Variants in RPS6KA6 observed in about 807,000 individuals in gnomAD.
The protein encoded by RPS6KA6 is ribosomal protein S6 kinase alpha-6.
A neutral mutation model predicts 65.4 loss-of-function variants in RPS6KA6; 27 were observed. The ratio of observed to expected loss-of-function variants is 0.41; its 90% confidence interval spans 0.30 to 0.57. RPS6KA6 has a LOEUF of 0.57. RPS6KA6 is among the 20% of genes least tolerant of loss of function. RPS6KA6 has a pLI of 0.24. For missense variants in RPS6KA6, 486 were observed against 555.6 expected (o/e 0.87, Z 1.26); for synonymous variants, 190 against 184.2 (o/e 1.03, Z -0.26).
intron 1 of RPS6KA6, among the ~76,000 whole-genome samples, chrX:84,185,683 T>C (rs1251412323): frequency 2.7e-5 from 3 of 111,857 alleles, no homozygotes; most frequent in Non-Finnish European, 5.6e-5. Context: ...ACATTAAAGT[T>C]AACAGATTCT....
At chrX:84,117,643 C>CTA (rs1426487931) in intron 9 of RPS6KA6, among the ~76,000 whole-genome samples, 189 bp from the exon 10 acceptor site, 2 of 110,615 alleles carry the variant, frequency 1.8e-5, no homozygotes, top group Admixed American at 9.7e-5. Flanking sequence ...CTCTCTCTCT[C>CTA]TATATATATA....
At chrX:84,117,216 A>C in intron 10 of RPS6KA6, 68 bp from the exon 11 acceptor site, 2 of 903,548 alleles carry the variant, frequency 2.2e-6, no homozygotes, top group African/African-American at 2.0e-5. Context: ...AAATCTCAAA[A>C]AGAACTTTTA....
chrX:84,173,426 T>C (rs1395239166), intron 1 of RPS6KA6, among the ~76,000 whole-genome samples: 4 of 111,870 alleles, frequency 3.6e-5, no homozygotes, highest in East Asian at 2.8e-4. Flanking sequence ...ATTCATACAA[T>C]GTTCCTAAAG....
chrX:84,129,952 C>A (rs1225109135), intron 8 of RPS6KA6, among the ~76,000 whole-genome samples: 6 of 109,990 alleles, frequency 5.5e-5, no homozygotes. Context: ...TGAGTATAGT[C>A]AAAAATAATT....
rs1259374077 is a variant in RPS6KA6 at position 84,147,077 on chromosome X, T to C, written c.341-19A>G. 1 of 906,305 alleles carries C rather than the reference T, an allele frequency of 1.1e-6. No homozygotes were observed. The highest frequency in any genetic ancestry group is 2.4e-5 in the Admixed American group (1 of 41,983). The allele number at this position is 906,305 out of a possible 1,213,427, so 74.7% of individuals were successfully genotyped here. A position where few individuals can be genotyped will look rare whatever the true frequency, so the allele number is the denominator to read the frequency against. On this transcript the variant is annotated intron_variant, in intron 4 of 21. Coordinates refer to ENST00000262752, the MANE Select transcript of RPS6KA6 (RefSeq NM_014496.5). ...TCTCGAACTAAAAATTACATAAAGG[T>C]ACAATATATTGCTCTCTTACATCAT...
rs780472211 is a variant in RPS6KA6 at position 84,140,281 on chromosome X, G to A, written c.502-5071C>T. On this transcript the variant is annotated intron_variant, in intron 6 of 21. Transcript: ENST00000262752. ...TTCAGTAGTGGAGCAAAATTAACCC[G>A]ACTGAAAGCTGTGTTAGTCCAATCT... 7.2e-5 allele frequency among the ~76,000 whole-genome samples: 8 copies of A among 111,184 alleles called. No individual in the cohort carries two copies. The South Asian group carries it at 1.5e-3, about 22-fold the overall frequency.
chrX:84,103,215 C>G (rs1420772608), intron 17 of RPS6KA6, among the ~76,000 whole-genome samples: 1 of 110,630 alleles, frequency 9.0e-6, no homozygotes, highest in Non-Finnish European at 1.9e-5. Flanking sequence ...ATTCTGATTC[C>G]AAGATGAACC....
intron 2 of RPS6KA6, among the ~76,000 whole-genome samples, chrX:84,160,909 T>C (rs912938128): frequency 6.3e-5 from 7 of 111,337 alleles, no homozygotes; most frequent in African/African-American, 2.3e-4. Flanking sequence ...TGCAGAACAC[T>C]TAGTTTTGTA....
In RPS6KA6 at chrX:84,062,466, C is replaced by T. The variant is rs1394482878; in HGVS notation, c.*1811G>A. 1.8e-5 allele frequency: 2 copies of T among 110,594 alleles called. No individual in the cohort carries two copies. The highest frequency in any genetic ancestry group is 6.6e-5 in the African/African-American group (2 of 30,462). The allele number at this position is 110,594 out of a possible 1,213,427, so 9.1% of individuals were successfully genotyped here. A position where few individuals can be genotyped will look rare whatever the true frequency, so the allele number is the denominator to read the frequency against. ...CAGAATATATGCTTACAAACTGTTA[C>T]ATGCAAGTACATATAGTAATAAAGC... On this transcript the variant is annotated 3_prime_UTR_variant, in exon 22 of 22. Transcript: ENST00000262752.
In RPS6KA6 at chrX:84,110,687, C is replaced by T. The variant is rs560101863; in HGVS notation, c.1009-2962G>A. Among the ~76,000 whole-genome samples the T allele has an allele frequency of 1.0e-3, 111 of 111,373 alleles. 1 individual carries two copies. In the South Asian group the frequency reaches 0.04, roughly 40 times the overall value. On this transcript the variant is annotated intron_variant, in intron 12 of 21. Coordinates refer to ENST00000262752, the MANE Select transcript of RPS6KA6 (RefSeq NM_014496.5). ...CAGTCACACCCCCCAAGAGGGGCGG[C>T]GGCAGGGGGTGAACCACGTCCACAT...
chrX:84,130,758 T>G (rs1236202982), intron 8 of RPS6KA6, among the ~76,000 whole-genome samples: 1 of 111,537 alleles, frequency 9.0e-6, no homozygotes, highest in Non-Finnish European at 1.9e-5. Flanking sequence ...CTCAAAAGGC[T>G]GTATACTGTA....
intron 11 of RPS6KA6, 51 bp from the exon 12 acceptor site, chrX:84,116,338 C>G: frequency 4.2e-6 from 3 of 712,362 alleles, no homozygotes; most frequent in Non-Finnish European, 6.1e-6. Context: ...TTTAGTCTTG[C>G]TCCCTGGCTT....
At chrX:84,122,429 C>T (rs2034693891) in intron 8 of RPS6KA6, among the ~76,000 whole-genome samples, 1 of 81,293 alleles carries the variant, frequency 1.2e-5, no homozygotes, top group African/African-American at 5.1e-5. Flanking sequence ...CTCTCGGGTT[C>T]AAGTGATTCT....
intron 12 of RPS6KA6, among the ~76,000 whole-genome samples, chrX:84,112,602 TA>T (rs1207342665): frequency 9.0e-6 from 1 of 111,356 alleles, no homozygotes; most frequent in African/African-American, 3.3e-5. Flanking sequence ...AAGGCAGGAA[TA>T]AAAAAATTGA....
chrX:84,096,574 TG>T (rs2034161821), intron 19 of RPS6KA6, among the ~76,000 whole-genome samples: 1 of 111,617 alleles, frequency 9.0e-6, no homozygotes, highest in African/African-American at 3.2e-5. Context: ...AAAATAAAGG[TG>T]GCTTTTCATG....
chrX:84,142,099 T>C (rs6622930), intron 6 of RPS6KA6, among the ~76,000 whole-genome samples: 6,852 of 111,092 alleles, frequency 0.062, 230 homozygotes, highest in East Asian at 0.2. Flanking sequence ...ATGGAACATT[T>C]ACCAAGATAC....
At chrX:84,149,630 C>CT (rs1004961689) in intron 3 of RPS6KA6, among the ~76,000 whole-genome samples, 21 of 109,778 alleles carry the variant, frequency 1.9e-4, no homozygotes, top group East Asian at 5.8e-4. Context: ...TGAGAAATGT[C>CT]TTTTTTTTTC....
intron 12 of RPS6KA6, among the ~76,000 whole-genome samples, chrX:84,109,520 T>C (rs2034428494): frequency 9.0e-6 from 1 of 110,990 alleles, no homozygotes; most frequent in Non-Finnish European, 1.9e-5. Flanking sequence ...TGTTTTGCTA[T>C]ATTCTGAGCA....
intron 12 of RPS6KA6, 26 bp from the exon 13 acceptor site, chrX:84,107,751 A>G (rs1295577758): frequency 1.2e-6 from 1 of 830,291 alleles, no homozygotes; most frequent in Admixed American, 2.4e-5. Context: ...AGATAACACA[A>G]AACGTATTAA....
Sources: gnomAD v4.1 joint callset for allele counts (sites outside exome capture counted in the v4.1 genomes callset) on GRCh38, gnomAD v4.1.1 for gene constraint, MANE v1.5 for transcripts, NCBI Gene and HGNC (gene_info 2026-07-23, HGNC 2026-07-21) for gene names.